The following PRKCI variants were observed in gnomAD, a reference collection of about 807,000 sequenced individuals.
PRKCI encodes the protein protein kinase C iota.
Under a neutral mutation model 84.0 loss-of-function variants are expected in PRKCI, and 43 were observed. The observed-to-expected ratio is 0.51, with a 90% CI of 0.40 to 0.66. PRKCI has a LOEUF of 0.66. Ranked by LOEUF, PRKCI falls within the 30% of genes least tolerant of loss-of-function variation. The pLI, the probability that PRKCI is intolerant of heterozygous loss-of-function variation, is 0.00. For synonymous variants in PRKCI, 216 were observed against 234.4 expected (o/e 0.92, Z 0.72); for missense variants, 459 against 745.6 (o/e 0.62, Z 4.48).
intron 9 of PRKCI, 134 bp from the exon 10 acceptor site, chr3:170,281,032 G>A (rs955680755): frequency 5.5e-5 from 33 of 600,880 alleles, no homozygotes; most frequent in Admixed American, 3.9e-4. Context: ...GTAAATTTTC[G>A]TTTCATGATT....
At chr3:170,283,758 G>A (rs759653165) in intron 11 of PRKCI, among the ~76,000 whole-genome samples, 26 of 152,118 alleles carry the variant, frequency 1.7e-4, no homozygotes, top group Admixed American at 2.6e-4. Flanking sequence ...CCCAAATCAC[G>A]GAATTAAGTA....
intron 8 of PRKCI, among the ~76,000 whole-genome samples, chr3:170,276,294 A>G (rs1387054023): frequency 2.6e-5 from 4 of 152,110 alleles, no homozygotes; most frequent in African/African-American, 7.2e-5. Context: ...CCTTGTATCT[A>G]TTGTTAGTTA....
chr3:170,237,985 TACAG>T (rs1733023266), intron 2 of PRKCI, among the ~76,000 whole-genome samples: 1 of 152,162 alleles, frequency 6.6e-6, no homozygotes. Flanking sequence ...ACAAATGACA[TACAG>T]CTGATATTTT....
intron 2 of PRKCI, among the ~76,000 whole-genome samples, chr3:170,240,337 A>C (rs1000160823): frequency 2.6e-5 from 4 of 152,180 alleles, no homozygotes; most frequent in Admixed American, 2.6e-4. Flanking sequence ...TGCACATAGT[A>C]AATTAACTTT....
At chr3:170,289,001 C>T (rs552409676) in intron 12 of PRKCI, among the ~76,000 whole-genome samples, 2 of 152,174 alleles carry the variant, frequency 1.3e-5, no homozygotes, top group African/African-American at 2.4e-5. Context: ...GGCAGCCTTT[C>T]GTGGTTTTAT....
Position 170,280,394 on chromosome 3 carries a change from T to C in PRKCI, c.873T>C (p.Asn291=), listed in dbSNP as rs192882341. 1.1e-5 allele frequency: 18 copies of C among 1,613,100 alleles called. No individual in the cohort carries two copies. Among genetic ancestry groups the C allele is most frequent in the Non-Finnish European group, 1.4e-5 (17 of 1,179,390 alleles). The change falls in exon 9 of 18, where the codon AAT becomes AAC. Residue 291 remains asparagine, a synonymous_variant. Transcript: ENST00000295797. ...AMKVVKKELV[N]DDEDIDWVQT... is the part of the protein sequence containing the mutation. The stretch of plus-strand genomic sequence containing the variant: ...AAGTTGTGAAAAAAGAGCTTGTTAA[T>C]GATGATGAGGTAAGCACTGCATATT...
At chr3:170,240,463 A>G (rs1428977913) in intron 2 of PRKCI, among the ~76,000 whole-genome samples, 4 of 152,204 alleles carry the variant, frequency 2.6e-5, no homozygotes, top group African/African-American at 7.2e-5. Flanking sequence ...TTGTTCAAGT[A>G]AAAGGTTAAA....
intron 2 of PRKCI, among the ~76,000 whole-genome samples, chr3:170,252,345 T>C (rs1326824555): frequency 1.3e-5 from 2 of 152,144 alleles, no homozygotes; most frequent in African/African-American, 4.8e-5. Context: ...GTTAATTTTT[T>C]ACTTTAATTT....
At chr3:170,269,616 A>T (rs985866341) in intron 5 of PRKCI, among the ~76,000 whole-genome samples, 2 of 152,200 alleles carry the variant, frequency 1.3e-5, no homozygotes, top group Admixed American at 1.3e-4. Flanking sequence ...ACTGGACTCC[A>T]GCCTGGCTGA....
intron 2 of PRKCI, among the ~76,000 whole-genome samples, chr3:170,237,798 C>T (rs1337518695): frequency 6.6e-6 from 1 of 152,108 alleles, no homozygotes; most frequent in Non-Finnish European, 1.5e-5. Context: ...AAAAGTAGTG[C>T]AAAAATTTAT....
At chr3:170,225,356 A>G (rs1033800105) in intron 1 of PRKCI, among the ~76,000 whole-genome samples, 35 of 152,216 alleles carry the variant, frequency 2.3e-4, no homozygotes, top group African/African-American at 8.0e-4. Context: ...TCAGCTGCTC[A>G]TTAATATAGA....
intron 2 of PRKCI, among the ~76,000 whole-genome samples, chr3:170,246,002 T>C (rs1183731890): frequency 6.9e-6 from 1 of 145,020 alleles, no homozygotes; most frequent in Non-Finnish European, 1.5e-5. Flanking sequence ...TCACCCAGGC[T>C]GGAATGCAGT....
chr3:170,242,494 A>T (rs1007643449), intron 2 of PRKCI, among the ~76,000 whole-genome samples: 7 of 152,150 alleles, frequency 4.6e-5, no homozygotes, highest in Admixed American at 4.6e-4. Flanking sequence ...CAGCACTTAG[A>T]AAAGGAAAGC....
At chr3:170,225,349 G>C (rs1457668818) in intron 1 of PRKCI, among the ~76,000 whole-genome samples, 1 of 152,136 alleles carries the variant, frequency 6.6e-6, no homozygotes, top group Non-Finnish European at 1.5e-5. Context: ...TACATAGTCA[G>C]CTGCTCATTA....
intron 12 of PRKCI, among the ~76,000 whole-genome samples, chr3:170,291,066 G>A (rs1734538114): frequency 6.6e-6 from 1 of 151,986 alleles, no homozygotes; most frequent in African/African-American, 2.4e-5. Flanking sequence ...AATCCGGGAG[G>A]CGGAGGTTGC....
chr3:170,303,112 A>G lies in PRKCI; in HGVS notation c.1776A>G (p.Ala592=), dbSNP rs772120101. ...ATATCAATCCTCTTTTGATGTCTGC[A>G]GAAGAATGTGTCTGATCCTCATTTT... ...FEYINPLLMS[A]EECV is the part of the protein sequence containing the mutation. Residue 592 remains alanine (A), a synonymous_variant, in exon 18 of 18, where the codon GCA becomes GCG. Transcript: ENST00000295797. 2.5e-6 allele frequency: 4 copies of G among 1,601,974 alleles called. No homozygotes were observed. Among genetic ancestry groups the G allele is most frequent in the African/African-American group, 1.3e-5 (1 of 74,498 alleles).
chr3:170,303,648 CT>C lies in PRKCI; in HGVS notation c.*527del. On this transcript the variant is annotated 3_prime_UTR_variant, in exon 18 of 18. Transcript: ENST00000295797. ...TGCCTTGGATAAATAAATTATTGAT[CT>C]TTTTTAAGGCAGCAGTTATTAAATT... is the stretch of plus-strand genomic sequence containing the variant. 4.5e-6 allele frequency: 1 copy of C among 223,552 alleles called. No individual in the cohort carries two copies. The highest frequency in any genetic ancestry group is 8.9e-6 in the Non-Finnish European group (1 of 112,046). 13.8% of individuals were successfully genotyped at this position (223,552 alleles called of 1,614,324 possible).
chr3:170,243,485 C>A (rs962910907), intron 2 of PRKCI, among the ~76,000 whole-genome samples: 1 of 152,132 alleles, frequency 6.6e-6, no homozygotes, highest in Non-Finnish European at 1.5e-5. Context: ...TGTACAAGTC[C>A]TTCCTTGTAT....
In PRKCI at chr3:170,270,397, A is replaced by G. The variant is rs1434894536; in HGVS notation, c.451-24A>G. On this transcript the variant is annotated intron_variant, in intron 5 of 17. Coordinates refer to ENST00000295797, the MANE Select transcript of PRKCI (RefSeq NM_002740.6). Reference sequence around the variant, plus strand: ...GGTTATGACCTTCTTGGTTAATAAAATATTGTTGAATTACTCTTTTCAGCG... The same window carrying G: ...GGTTATGACCTTCTTGGTTAATAAAGTATTGTTGAATTACTCTTTTCAGCG... 5 of 1,574,470 alleles carry G rather than the reference A, an allele frequency of 3.2e-6. No individual in the cohort carries two copies. In the South Asian group the frequency reaches 3.5e-5, roughly 11 times the overall value.
Sources: gnomAD v4.1 joint callset for allele counts (sites outside exome capture counted in the v4.1 genomes callset) on GRCh38, gnomAD v4.1.1 for gene constraint, MANE v1.5 for transcripts, NCBI Gene and HGNC (gene_info 2026-07-23, HGNC 2026-07-21) for gene names.